The following MAP3K7 variants were observed in gnomAD, a reference collection of about 807,000 sequenced individuals.
MAP3K7 encodes TGF-beta activated kinase 1.
In MAP3K7, 21 loss-of-function variants were observed where a neutral mutation model predicts 84.8. The ratio of observed to expected loss-of-function variants is 0.25; its 90% confidence interval spans 0.18 to 0.36. The LOEUF (loss-of-function observed/expected upper bound fraction) is 0.36. MAP3K7 is among the 10% of genes least tolerant of loss of function. MAP3K7 has a pLI of 1.00. For synonymous variants in MAP3K7, 241 were observed against 247.7 expected (o/e 0.97, Z 0.25); for missense variants, 503 against 747.7 (o/e 0.67, Z 3.82).
At chr6:90,533,256 C>G (rs1427190684) in intron 13 of MAP3K7, among the ~76,000 whole-genome samples, 1 of 152,108 alleles carries the variant, frequency 6.6e-6, no homozygotes, top group South Asian at 2.1e-4. Context: ...GAGGTCCTTG[C>G]GGAATAGGCT....
intron 14 of MAP3K7, 123 bp from the exon 15 acceptor site, chr6:90,519,442 G>T (rs1582156201): frequency 1.5e-6 from 1 of 648,740 alleles, no homozygotes; most frequent in Non-Finnish European, 2.7e-6. Flanking sequence ...AAAAGTTACA[G>T]CTATTGGTAA....
rs13196424 is a variant in MAP3K7 at position 90,556,641 on chromosome 6, A to C, written c.483-17T>G. The stretch of plus-strand genomic sequence containing the variant: ...AGCAGTAAGCTGTTTAAAAAAAAAC[A>C]AAAAACATCAAAAGTTACAAGGCCA... On this transcript the variant is annotated splice_polypyrimidine_tract_variant and intron_variant, in intron 5 of 16. Transcript: ENST00000369329. 2 of 1,513,390 alleles carry C rather than the reference A, an allele frequency of 1.3e-6. No homozygotes were observed. The highest frequency in any genetic ancestry group is 2.5e-5 in the South Asian group (2 of 81,590). 93.7% of individuals were successfully genotyped at this position (1,513,390 alleles called of 1,614,324 possible).
At chr6:90,521,831 A>AT (rs1210265494) in intron 14 of MAP3K7, among the ~76,000 whole-genome samples, 1 of 152,070 alleles carries the variant, frequency 6.6e-6, no homozygotes, top group Non-Finnish European at 1.5e-5. Flanking sequence ...AAGAGCGCTT[A>AT]TTATCGGCTA....
In MAP3K7 at chr6:90,548,140, G is replaced by A; in HGVS notation, c.987C>T (p.Asn329=). The change falls in exon 10 of 17, where the codon AAC becomes AAT. Residue 329 remains asparagine (N), a synonymous_variant. Coordinates refer to ENST00000369329, the MANE Select transcript of MAP3K7 (RefSeq NM_145331.3). ...FMDIASTNTS[N]KSDTNMEQVP... is the part of the protein sequence containing the mutation. ...CTTGCTCCATATTAGTGTCACTTTT[G>A]TTACTCGTATTTGTAGAAGCAATGT... is the stretch of plus-strand genomic sequence containing the variant. 1 of 1,611,652 alleles carries A rather than the reference G, an allele frequency of 6.2e-7. No individual in the cohort carries two copies. Among genetic ancestry groups the A allele is most frequent in the Non-Finnish European group, 8.5e-7 (1 of 1,178,782 alleles).
At chr6:90,580,434 T>G (rs913686890) in intron 1 of MAP3K7, among the ~76,000 whole-genome samples, 3 of 152,220 alleles carry the variant, frequency 2.0e-5, no homozygotes, top group African/African-American at 7.2e-5. Flanking sequence ...CGTATTCTTT[T>G]CTGAATAATA....
Position 90,571,648 on chromosome 6 carries a change from G to A in MAP3K7, c.231+49C>T, listed in dbSNP as rs201131865. On this transcript the variant is annotated intron_variant, in intron 2 of 16. Coordinates refer to ENST00000369329, the MANE Select transcript of MAP3K7 (RefSeq NM_145331.3). ...TCTTTTTCATAATATTAAATTCACA[G>A]AGTATCTTAAGTGCAGAACTACACA... is the stretch of plus-strand genomic sequence containing the variant. 263 of 1,052,848 alleles carry A rather than the reference G, an allele frequency of 2.5e-4. 1 individual carries two copies. The African/African-American group carries it at 3.6e-3, about 14-fold the overall frequency. The allele number at this position is 1,052,848 out of a possible 1,614,324, so 65.2% of individuals were successfully genotyped here.
intron 13 of MAP3K7, among the ~76,000 whole-genome samples, chr6:90,533,416 A>T (rs157690): frequency 0.71 from 107,209 of 151,972 alleles, 38,168 homozygotes; most frequent in Middle Eastern, 0.79. Flanking sequence ...AGAAAAAGAA[A>T]GTATTATAGG....
intron 1 of MAP3K7, among the ~76,000 whole-genome samples, chr6:90,575,207 C>A (rs1777034424): frequency 6.6e-6 from 1 of 152,106 alleles, no homozygotes; most frequent in African/African-American, 2.4e-5. Flanking sequence ...TGGACCCCTG[C>A]CTTCATGGAA....
At chr6:90,576,447 AC>A (rs1777083468) in intron 1 of MAP3K7, among the ~76,000 whole-genome samples, 2 of 151,282 alleles carry the variant, frequency 1.3e-5, no homozygotes, top group Non-Finnish European at 3.0e-5. Flanking sequence ...ACACACACAC[AC>A]ACACACACAC....
At chr6:90,550,435 T>A (rs770945655) in intron 9 of MAP3K7, 33 bp downstream of exon 9, 1 of 1,395,902 alleles carries the variant, frequency 7.2e-7, no homozygotes, top group Non-Finnish European at 1.0e-6. Context: ...GAAAGAAAAA[T>A]CAAGTCAATA....
intron 1 of MAP3K7, among the ~76,000 whole-genome samples, chr6:90,584,360 C>A (rs889376416): frequency 2.0e-5 from 3 of 152,098 alleles, no homozygotes; most frequent in African/African-American, 7.2e-5. Context: ...GGTCCAAATT[C>A]AATCTTTAAT....
intron 12 of MAP3K7, 49 bp from the exon 13 acceptor site, chr6:90,536,450 CA>C (rs776240755): frequency 2.1e-6 from 3 of 1,420,330 alleles, no homozygotes; most frequent in Non-Finnish European, 3.0e-6. Flanking sequence ...GTCAAACAGA[CA>C]AAAAGCGTGT....
chr6:90,566,656 C>T (rs1319335080), intron 3 of MAP3K7, among the ~76,000 whole-genome samples: 1 of 152,132 alleles, frequency 6.6e-6, no homozygotes. Context: ...TTTATAGATT[C>T]AATGCCATCC....
intron 13 of MAP3K7, among the ~76,000 whole-genome samples, chr6:90,527,589 T>C (rs1227166348): frequency 6.6e-6 from 1 of 152,010 alleles, no homozygotes; most frequent in Non-Finnish European, 1.5e-5. Context: ...CTTAATCAGA[T>C]AAAAGGTATT....
At chr6:90,521,218 T>C (rs913061342) in intron 14 of MAP3K7, among the ~76,000 whole-genome samples, 16 of 151,940 alleles carry the variant, frequency 1.1e-4, no homozygotes, top group Admixed American at 6.6e-5. Flanking sequence ...TAGCAATAAT[T>C]GGTCACAGAT....
At chr6:90,569,969 T>C (rs1379902921) in intron 2 of MAP3K7, among the ~76,000 whole-genome samples, 1 of 152,168 alleles carries the variant, frequency 6.6e-6, no homozygotes, top group Non-Finnish European at 1.5e-5. Flanking sequence ...AAAAGCTCTA[T>C]CTATCTAGAG....
intron 13 of MAP3K7, among the ~76,000 whole-genome samples, chr6:90,534,948 T>A (rs1035586274): frequency 6.6e-6 from 1 of 152,100 alleles, no homozygotes; most frequent in Non-Finnish European, 1.5e-5. Flanking sequence ...ATTAAAACTT[T>A]TAAGTATCTG....
At position 90,516,443 on chromosome 6, in the gene MAP3K7, C is replaced by T. The variant is rs1188627099; in HGVS notation, c.*58G>A. ...CATGAATCGTCATTATAAGGTTTTC[C>T]TTTCCTTAAAAAAAAAGTCTTTCTT... On this transcript the variant is annotated 3_prime_UTR_variant, in exon 17 of 17. Transcript: ENST00000369329. The T allele has an allele frequency of 6.4e-6, 10 of 1,560,714 alleles. No homozygotes were observed. Among genetic ancestry groups the T allele is most frequent in the Non-Finnish European group, 8.7e-6 (10 of 1,147,940 alleles).
chr6:90,547,158 A>C, intron 11 of MAP3K7, 100 bp downstream of exon 11: 1 of 1,353,560 alleles, frequency 7.4e-7, no homozygotes, highest in Admixed American at 2.4e-5. Context: ...ATTTAAAAAA[A>C]AATATAAGAC....
Sources: gnomAD v4.1 joint callset for allele counts (sites outside exome capture counted in the v4.1 genomes callset) on GRCh38, gnomAD v4.1.1 for gene constraint, MANE v1.5 for transcripts, NCBI Gene and HGNC (gene_info 2026-07-23, HGNC 2026-07-21) for gene names.